DGKI: variants seen among roughly 807,000 people sequenced by gnomAD.
DGKI encodes the protein DAG kinase iota.
DGKI carries 55 observed loss-of-function variants against 147.5 expected under a neutral mutation model. That is an observed-to-expected ratio of 0.37 (90% CI 0.30 to 0.47). The LOEUF (loss-of-function observed/expected upper bound fraction) is 0.47, where lower values mean the gene tolerates loss of function less well. Among genes scored for constraint, DGKI ranks in the 20% least tolerant of loss-of-function variants. The pLI, the probability that DGKI is intolerant of heterozygous loss-of-function variation, is 1.00. For missense variants in DGKI, 1,007 were observed against 1,323.8 expected, an observed-to-expected ratio of 0.76 and a Z score of 3.71; for synonymous variants, 469 against 477.1, an observed-to-expected ratio of 0.98 and a Z score of 0.22.
At chr7:137,785,368 A>C (rs1796637462) in intron 1 of DGKI, among the ~76,000 whole-genome samples, 1 of 151,688 alleles carries the variant, frequency 6.6e-6, no homozygotes, top group Non-Finnish European at 1.5e-5. Context: ...AACCTGGAGG[A>C]GATAAATTTC....
rs779408394 is a variant in DGKI at position 137,521,874 on chromosome 7, C to T, written c.2240G>A (p.Arg747Gln). Residue 747 changes from arginine to glutamine, a missense_variant, in exon 21 of 33, where the codon CGA becomes CAA. Transcript: ENST00000614521. ...AGGCACTTCCAACTTACAAGCTTCT[C>T]GGAGTTTCTCCTTGTCATAGTGGAA... ...EGFHYDKEKL[R>Q]EASIPLGILV... 6 of 1,610,102 alleles carry T rather than the reference C, an allele frequency of 3.7e-6. No homozygotes were observed. The highest frequency in any genetic ancestry group is 1.7e-4 in the Middle Eastern group (1 of 6,034).
intron 30 of DGKI, among the ~76,000 whole-genome samples, chr7:137,398,016 C>A (rs1369082674): frequency 6.6e-6 from 1 of 152,186 alleles, no homozygotes; most frequent in African/African-American, 2.4e-5. Flanking sequence ...TCTACAAACA[C>A]TGCTTGGAAT....
At chr7:137,534,013 T>C (rs112269080) in intron 20 of DGKI, among the ~76,000 whole-genome samples, 2 of 152,238 alleles carry the variant, frequency 1.3e-5, no homozygotes, top group African/African-American at 4.8e-5. Context: ...TTTCATTTCA[T>C]GGAAGTGTTT....
intron 1 of DGKI, among the ~76,000 whole-genome samples, chr7:137,746,700 A>C (rs1563178965): frequency 6.6e-6 from 1 of 152,146 alleles, no homozygotes; most frequent in Non-Finnish European, 1.5e-5. Context: ...GCAGAAAAGG[A>C]GACTCTGAAG....
chr7:137,609,760 C>A (rs1219400840), intron 8 of DGKI, 151 bp from the exon 9 acceptor site: 3 of 611,826 alleles, frequency 4.9e-6, no homozygotes, highest in African/African-American at 3.7e-5. Flanking sequence ...CATGGATAAG[C>A]CACAGACAGA....
intron 28 of DGKI, among the ~76,000 whole-genome samples, chr7:137,441,868 C>T (rs933139457): frequency 6.6e-6 from 1 of 152,110 alleles, no homozygotes; most frequent in Non-Finnish European, 1.5e-5. Context: ...TGTTGCAATG[C>T]CATTATTGTG....
At chr7:137,504,687 T>C (rs1438764394) in intron 21 of DGKI, among the ~76,000 whole-genome samples, 3 of 152,182 alleles carry the variant, frequency 2.0e-5, no homozygotes, top group Non-Finnish European at 4.4e-5. Flanking sequence ...ATAGAGTTTA[T>C]GCAAGTACTT....
chr7:137,561,097 C>A (rs924656153), intron 19 of DGKI, among the ~76,000 whole-genome samples: 1 of 151,612 alleles, frequency 6.6e-6, no homozygotes, highest in Non-Finnish European at 1.5e-5. Context: ...AGAAAGGAAA[C>A]CAGTATATTG....
intron 1 of DGKI, chr7:137,722,453 G>A (rs569867879): frequency 9.9e-6 from 16 of 1,610,780 alleles, no homozygotes; most frequent in South Asian, 3.3e-5. Context: ...CTCACTGGAC[G>A]CCACAGGGGC....
At chr7:137,838,281 G>T (rs939542723) in intron 1 of DGKI, among the ~76,000 whole-genome samples, 9 of 152,084 alleles carry the variant, frequency 5.9e-5, no homozygotes, top group Non-Finnish European at 1.2e-4. Flanking sequence ...GGGATTACAG[G>T]CTCTTCCTTC....
chr7:137,740,173 T>G (rs1343892119), intron 1 of DGKI, among the ~76,000 whole-genome samples: 1 of 152,202 alleles, frequency 6.6e-6, no homozygotes, highest in African/African-American at 2.4e-5. Context: ...TTATGCAACC[T>G]TGAAGAGATA....
rs76855579 is a variant in DGKI, at chr7:137,502,333, G to T, written c.2249-14644C>A. Among the ~76,000 whole-genome samples, 27 of 152,126 alleles carry T rather than the reference G, an allele frequency of 1.8e-4. 1 individual carries two copies. In the East Asian group the frequency reaches 5.2e-3, roughly 29 times the overall value. Reference sequence around the variant, plus strand: ...GACTTCCATTGCCTGCGATCTGGGAGTATGATCAAATCCATGTGATATTAA... The same window carrying T: ...GACTTCCATTGCCTGCGATCTGGGATTATGATCAAATCCATGTGATATTAA... On this transcript the variant is annotated intron_variant, in intron 21 of 32. Transcript: ENST00000614521.
In DGKI at chr7:137,391,047, T is replaced by C; in HGVS notation, c.*173A>G. Reference sequence around the variant, plus strand: ...GCCTCCTTCTCAATGGGCTATCATGTTCTGTTGTACATCTTGGTAGCCCTT... The same window carrying C: ...GCCTCCTTCTCAATGGGCTATCATGCTCTGTTGTACATCTTGGTAGCCCTT... On this transcript the variant is annotated 3_prime_UTR_variant, in exon 33 of 33. Transcript: ENST00000614521. The C allele has an allele frequency of 4.8e-6, 3 of 625,812 alleles. No individual in the cohort carries two copies. In the South Asian group the frequency reaches 5.6e-5, roughly 12 times the overall value. 38.8% of individuals were successfully genotyped at this position (625,812 alleles called of 1,614,324 possible).
At chr7:137,625,426 C>G (rs1820900029) in intron 6 of DGKI, among the ~76,000 whole-genome samples, 2 of 151,634 alleles carry the variant, frequency 1.3e-5, no homozygotes, top group South Asian at 4.2e-4. Context: ...TGCTACTGCC[C>G]CCTAGCCTGA....
At chr7:137,734,923 C>T (rs549813873) in intron 1 of DGKI, among the ~76,000 whole-genome samples, 5 of 152,230 alleles carry the variant, frequency 3.3e-5, no homozygotes, top group Admixed American at 1.3e-4. Flanking sequence ...CTCTCCTTTA[C>T]ACATCACCGC....
intron 19 of DGKI, among the ~76,000 whole-genome samples, chr7:137,564,369 C>T (rs1818513319): frequency 6.6e-6 from 1 of 152,030 alleles, no homozygotes; most frequent in Admixed American, 6.6e-5. Context: ...ACAAATTAAG[C>T]CTTTTTCATA....
chr7:137,755,738 T>C (rs1795658042), intron 1 of DGKI, among the ~76,000 whole-genome samples: 1 of 151,984 alleles, frequency 6.6e-6, no homozygotes, highest in Non-Finnish European at 1.5e-5. Flanking sequence ...GCCTGGAGGA[T>C]AATGGATGAG....
chr7:137,822,194 G>T (rs1308048394), intron 1 of DGKI, among the ~76,000 whole-genome samples: 1 of 152,098 alleles, frequency 6.6e-6, no homozygotes, highest in Admixed American at 6.5e-5. Context: ...ATCACCTGAG[G>T]TCAGGAGTTC....
intron 3 of DGKI, among the ~76,000 whole-genome samples, chr7:137,674,667 C>T (rs566364804): frequency 6.6e-6 from 1 of 152,338 alleles, no homozygotes; most frequent in Non-Finnish European, 1.5e-5. Flanking sequence ...ATGCACGGCT[C>T]ATGATTGCCA....
Sources: gnomAD v4.1 joint callset for allele counts (sites outside exome capture counted in the v4.1 genomes callset) on GRCh38, gnomAD v4.1.1 for gene constraint, MANE v1.5 for transcripts, NCBI Gene and HGNC (gene_info 2026-07-23, HGNC 2026-07-21) for gene names.